The following CAMSAP2 variants were observed in gnomAD, a reference collection of about 807,000 sequenced individuals.
CAMSAP2 encodes calmodulin regulated spectrin associated protein family member 2, also known as calmodulin-regulated spectrin-associated protein 2.
A neutral mutation model predicts 146.1 loss-of-function variants in CAMSAP2; 26 were observed. The ratio of observed to expected loss-of-function variants is 0.18; its 90% CI spans 0.13 to 0.25. The LOEUF is 0.25. CAMSAP2 is among the 10% of genes least tolerant of loss of function. The probability of loss-of-function intolerance (pLI) is 1.00; values close to 1 mark genes in which losing one functional copy is unlikely to be tolerated. For missense variants in CAMSAP2, 1,381 were observed against 1,759.3 expected, an observed-to-expected ratio of 0.78 and a Z score of 3.85; for synonymous variants, 499 against 596.6, an observed-to-expected ratio of 0.84 and a Z score of 2.38.
intron 2 of CAMSAP2, among the ~76,000 whole-genome samples, chr1:200,764,883 C>T (rs2103006117): frequency 6.6e-6 from 1 of 152,218 alleles, no homozygotes; most frequent in South Asian, 2.1e-4. Context: ...GCGGGTGGTT[C>T]ACCTGAGGTG....
rs1016286872 is a variant in CAMSAP2 at position 200,859,298 on chromosome 1, G to T, written c.*1239G>T. ...GTGACAAATGTGTAAACTAGCGGGG[G>T]AAGACAGTATTGTATCATAAATGAG... On this transcript the variant is annotated 3_prime_UTR_variant, in exon 17 of 17. Coordinates refer to ENST00000358823, the MANE Select transcript of CAMSAP2 (RefSeq NM_203459.4). 6.6e-6 allele frequency: 1 copy of T among 152,538 alleles called. No homozygotes were observed. Among genetic ancestry groups the T allele is most frequent in the Non-Finnish European group, 1.5e-5 (1 of 67,884 alleles). 9.4% of individuals were successfully genotyped at this position (152,538 alleles called of 1,614,324 possible).
chr1:200,847,994 G>C, intron 10 of CAMSAP2, 38 bp from the exon 11 acceptor site: 1 of 1,314,500 alleles, frequency 7.6e-7, no homozygotes, highest in Non-Finnish European at 1.0e-6. Context: ...ATCATTTCTA[G>C]GATTTTTAAA....
chr1:200,778,182 A>G (rs1166176550), intron 2 of CAMSAP2, among the ~76,000 whole-genome samples: 2 of 152,370 alleles, frequency 1.3e-5, no homozygotes, highest in Non-Finnish European at 2.9e-5. Context: ...TGCCTAGTCT[A>G]GAGAAGATGT....
intron 1 of CAMSAP2, among the ~76,000 whole-genome samples, chr1:200,760,061 A>G (rs1057511014): frequency 6.6e-6 from 1 of 152,166 alleles, no homozygotes; most frequent in African/African-American, 2.4e-5. Context: ...CTTAAAGGGT[A>G]GTGGCTAGCA....
At chr1:200,828,802 G>C (rs551555956) in intron 4 of CAMSAP2, among the ~76,000 whole-genome samples, 1 of 152,088 alleles carries the variant, frequency 6.6e-6, no homozygotes, top group South Asian at 2.1e-4. Context: ...TAATTTAAAG[G>C]GTAAACATCC....
At chr1:200,754,744 G>A (rs1002339027) in intron 1 of CAMSAP2, among the ~76,000 whole-genome samples, 3 of 151,862 alleles carry the variant, frequency 2.0e-5, no homozygotes, top group Non-Finnish European at 4.4e-5. Context: ...CACCAGGCCC[G>A]GCTAATTTTT....
At chr1:200,833,575 A>AAAGT (rs1277021762) in intron 6 of CAMSAP2, among the ~76,000 whole-genome samples, 1 of 152,154 alleles carries the variant, frequency 6.6e-6, no homozygotes, top group Admixed American at 6.5e-5. Context: ...AAGAAAAAAA[A>AAAGT]AAGTCATGTA....
At chr1:200,818,186 T>C (rs1027906226) in intron 4 of CAMSAP2, among the ~76,000 whole-genome samples, 2 of 152,324 alleles carry the variant, frequency 1.3e-5, no homozygotes, top group South Asian at 4.1e-4. Flanking sequence ...TTCTGTAGTA[T>C]TGCATACACA....
chr1:200,822,014 G>T (rs146044891), intron 4 of CAMSAP2, among the ~76,000 whole-genome samples: 1 of 152,052 alleles, frequency 6.6e-6, no homozygotes, highest in African/African-American at 2.4e-5. Flanking sequence ...ACAAAAAGTT[G>T]CAGGAATAGT....
At chr1:200,842,832 C>T (rs186047175) in intron 7 of CAMSAP2, among the ~76,000 whole-genome samples, 5 of 151,972 alleles carry the variant, frequency 3.3e-5, no homozygotes, top group East Asian at 3.9e-4. Flanking sequence ...AAAAATTAGC[C>T]GGGCATGTTG....
chr1:200,828,611 T>C, intron 4 of CAMSAP2: 1 of 1,549,876 alleles, frequency 6.5e-7, no homozygotes. Context: ...TTCCAGTAAG[T>C]TTGCTCAGCT....
At chr1:200,784,594 A>AT (rs56865744) in intron 2 of CAMSAP2, among the ~76,000 whole-genome samples, 343 of 152,070 alleles carry the variant, frequency 2.3e-3, no homozygotes, top group African/African-American at 7.4e-3. Context: ...AATTTTGAAC[A>AT]TTTTTTTTAT....
Position 200,858,056 on chromosome 1 carries a change from A to T in CAMSAP2, c.4434A>T (p.Ala1478=). 1.9e-6 allele frequency: 3 copies of T among 1,563,290 alleles called. No individual in the cohort carries two copies. The highest frequency in any genetic ancestry group is 2.6e-6 in the Non-Finnish European group (3 of 1,159,034). ...VTPKKLLPTK[A] is the part of the protein sequence containing the mutation. ...CCAAAAAACTTTTACCCACTAAGGC[A>T]TAGAAGTTGGGAAATACTTGCTTCA... The change falls in exon 17 of 17, where the codon GCA becomes GCT. Residue 1478 remains alanine, a synonymous_variant. Transcript: ENST00000358823.
chr1:200,829,968 C>CA (rs200774112), intron 4 of CAMSAP2, among the ~76,000 whole-genome samples: 21 of 150,974 alleles, frequency 1.4e-4, no homozygotes, highest in Admixed American at 2.6e-4. Context: ...AAACAAACAA[C>CA]AAAAAAAAGG....
Position 200,849,707 on chromosome 1 carries a change from C to T in CAMSAP2, c.2938C>T (p.Pro980Ser). The change falls in exon 11 of 17, where the codon CCA becomes TCA. Residue 980 changes from proline to serine, a missense_variant. Transcript: ENST00000358823. The surrounding 1 kb of genome is among the most constrained non-coding windows in gnomAD (Gnocchi z 6.3). ...FSVKSQRTPR[P>S]NELKITPLNR... Reference sequence around the variant, plus strand: ...TGTTAAAAGTCAAAGGACTCCTAGGCCAAATGAGTTAAAAATAACACCTTT... The same window carrying T: ...TGTTAAAAGTCAAAGGACTCCTAGGTCAAATGAGTTAAAAATAACACCTTT... 1 of 1,614,138 alleles carries T rather than the reference C, an allele frequency of 6.2e-7. No individual in the cohort carries two copies. The highest frequency in any genetic ancestry group is 8.5e-7 in the Non-Finnish European group (1 of 1,180,022).
intron 4 of CAMSAP2, among the ~76,000 whole-genome samples, chr1:200,822,573 A>T (rs1333912288): frequency 2.0e-5 from 3 of 152,190 alleles, no homozygotes; most frequent in Non-Finnish European, 2.9e-5. Context: ...GAGGCACATG[A>T]TATCCATTTA....
chr1:200,844,953 G>T (rs1298868709), intron 8 of CAMSAP2, 84 bp downstream of exon 8: 2 of 682,932 alleles, frequency 2.9e-6, no homozygotes, highest in African/African-American at 3.9e-5. Context: ...ATTAAATAAG[G>T]TTTTTAAGAA....
intron 3 of CAMSAP2, among the ~76,000 whole-genome samples, chr1:200,811,961 A>G (rs1666343688): frequency 2.0e-5 from 3 of 152,058 alleles, no homozygotes; most frequent in Admixed American, 6.6e-5. Context: ...CTCAGCTCCC[A>G]GCTTTCTGCA....
rs541714051 is a variant in CAMSAP2 at position 200,807,328 on chromosome 1, T to C, written c.400-48T>C. ...ACATTTCAAAATATGTAAAAAGCAA[T>C]TTCTAAATATAATTTTTAAACTATT... On this transcript the variant is annotated intron_variant, in intron 2 of 16. Transcript: ENST00000358823. 5.5e-5 allele frequency: 75 copies of C among 1,370,870 alleles called. 1 individual carries two copies. Among genetic ancestry groups the C allele is most frequent in the Middle Eastern group, 3.9e-4 (2 of 5,192 alleles). The allele number at this position is 1,370,870 out of a possible 1,614,324, so 84.9% of individuals were successfully genotyped here.
Sources: allele counts gnomAD v4.1 joint callset (sites outside exome capture counted in the v4.1 genomes callset), GRCh38; gene constraint gnomAD v4.1.1; non-coding constraint Gnocchi (gnomAD v3.1); transcripts MANE v1.5; gene names NCBI Gene and HGNC (gene_info 2026-07-23, HGNC 2026-07-21).